TAF1: variants seen among roughly 807,000 people sequenced by gnomAD.
TAF1 encodes TATA-box binding protein associated factor 1.
Under a neutral mutation model 138.5 loss-of-function variants are expected in TAF1, and 2 were observed. That is an observed-to-expected ratio of 0.01 (90% CI 0.01 to 0.05). The LOEUF (loss-of-function observed/expected upper bound fraction) is 0.05. Among genes scored for constraint, TAF1 ranks in the 10% least tolerant of loss-of-function variants. TAF1 has a pLI of 1.00. For missense variants in TAF1, 709 were observed against 1,478.0 expected (o/e 0.48, Z 8.53); for synonymous variants, 437 against 503.2 (o/e 0.87, Z 1.76).
At chrX:71,524,203 AT>A (rs34207623) in intron 13 of TAF1, among the ~76,000 whole-genome samples, 7 of 105,840 alleles carry the variant, frequency 6.6e-5, no homozygotes, top group Non-Finnish European at 9.7e-5. Context: ...TGTATTTTTA[AT>A]TTTTTTTTGT....
chrX:71,423,943 C>T (rs760789130), intron 30 of TAF1, 31 bp from the exon 31 acceptor site: 16 of 1,104,979 alleles, frequency 1.4e-5, no homozygotes, highest in Non-Finnish European at 6.2e-6. Flanking sequence ...GAGTGGTTTC[C>T]ATTTAATTTC....
rs1458969621 is a variant in TAF1 at position 71,398,724 on chromosome X, G to A, written c.3773G>A (p.Arg1258His). ...AAGAAGCCCAAGAAAATGAAGGAGC[G>A]TCCTGACCTAAAAGTAAGTATAATG... ...PEKKPKKMKE[R>H]PDLKLKCGAC... Residue 1258 changes from arginine (R) to histidine (H), a missense_variant, in exon 24 of 38, where the codon CGT becomes CAT. Around this residue, in one of 14 missense-constraint regions of TAF1, gnomAD observed 21 missense variants for 101.3 expected, o/e 0.21. Transcript: ENST00000423759. 1 of 1,200,717 alleles carries A rather than the reference G, an allele frequency of 8.3e-7. No individual in the cohort carries two copies. The highest frequency in any genetic ancestry group is 1.1e-6 in the Non-Finnish European group (1 of 892,397).
intron 13 of TAF1, among the ~76,000 whole-genome samples, chrX:71,526,688 G>C (rs990770755): frequency 9.0e-6 from 1 of 111,100 alleles, no homozygotes; most frequent in Non-Finnish European, 1.9e-5. Context: ...TAATGTACAA[G>C]GTATATGTAA....
intron 13 of TAF1, among the ~76,000 whole-genome samples, chrX:71,524,835 G>C (rs1482699913): frequency 9.4e-6 from 1 of 106,336 alleles, no homozygotes; most frequent in East Asian, 3.1e-4. Context: ...CAACTACTCC[G>C]GAGGCTGAGG....
At chrX:71,417,224 G>GT (rs1265337898) in intron 28 of TAF1, among the ~76,000 whole-genome samples, 1 of 109,661 alleles carries the variant, frequency 9.1e-6, no homozygotes, top group Non-Finnish European at 1.9e-5. Context: ...ACCTGAGCAA[G>GT]CATGCTCAGC....
At chrX:71,475,138 T>G (rs979336946) in intron 13 of TAF1, among the ~76,000 whole-genome samples, 11 of 111,318 alleles carry the variant, frequency 9.9e-5, no homozygotes, top group African/African-American at 3.6e-4. Flanking sequence ...AGTGGAGATG[T>G]TCAGTAAGTA....
chrX:71,459,195 G>C (rs1380034328), intron 35 of TAF1: 1 of 1,094,428 alleles, frequency 9.1e-7, no homozygotes, highest in African/African-American at 1.9e-5. Context: ...CTCTGATGTA[G>C]ATATTGAAGG....
intron 3 of TAF1, among the ~76,000 whole-genome samples, chrX:71,369,197 A>G (rs1015525765): frequency 9.0e-6 from 1 of 110,890 alleles, no homozygotes. Flanking sequence ...GGGTTTCACC[A>G]TGTTGGCCAG....
intron 13 of TAF1, among the ~76,000 whole-genome samples, chrX:71,471,161 C>G (rs2147485728): frequency 9.4e-6 from 1 of 106,867 alleles, no homozygotes; most frequent in African/African-American, 3.4e-5. Flanking sequence ...ACTAAAAATA[C>G]AAAAAAATTA....
intron 25 of TAF1, among the ~76,000 whole-genome samples, chrX:71,405,677 T>A (rs1569310593): frequency 8.9e-6 from 1 of 112,053 alleles, no homozygotes; most frequent in African/African-American, 3.2e-5. Context: ...TAATTACTAA[T>A]ATCCGTAATA....
chrX:71,398,874 C>T, intron 24 of TAF1, 137 bp downstream of exon 24: 1 of 903,527 alleles, frequency 1.1e-6, no homozygotes, highest in South Asian at 3.0e-5. Context: ...GATGTGACTA[C>T]TTGGGGGTGT....
At chrX:71,427,990 T>C (rs1403805740) in intron 32 of TAF1, among the ~76,000 whole-genome samples, 1 of 104,539 alleles carries the variant, frequency 9.6e-6, no homozygotes, top group East Asian at 3.0e-4. Flanking sequence ...CTTTTTTTTT[T>C]AAACCTATTA....
exon 15 of TAF1, chrX:71,529,738 C>T (rs765223020): frequency 5.5e-5 from 18 of 329,934 alleles, no homozygotes; most frequent in Non-Finnish European, 3.5e-5. Context: ...AGTGAAAATC[C>T]GTGCCAGACT....
At chrX:71,456,743 T>C (rs888845194) in intron 34 of TAF1, among the ~76,000 whole-genome samples, 1 of 90,607 alleles carries the variant, frequency 1.1e-5, no homozygotes, top group Non-Finnish European at 2.1e-5. Context: ...TGGCGCAATC[T>C]CGGCTCACTG....
chrX:71,423,318 T>A, intron 30 of TAF1, 79 bp downstream of exon 30: 1 of 1,177,636 alleles, frequency 8.5e-7, no homozygotes, highest in South Asian at 1.9e-5. Context: ...CGTGTGTGTA[T>A]TTTGGAGAGT....
At chrX:71,491,197 CAGA>C (rs1211621985) in intron 13 of TAF1, 1 of 110,360 alleles carries the variant, frequency 9.1e-6, no homozygotes, top group African/African-American at 3.3e-5. Flanking sequence ...CAGAATGCGA[CAGA>C]AGAAGCCTGG....
chrX:71,470,694 A>T (rs912329614), downstream of TAF1, among the ~76,000 whole-genome samples: 7 of 107,968 alleles, frequency 6.5e-5, no homozygotes, highest in South Asian at 2.1e-3. Flanking sequence ...TTCATATTTT[A>T]AAAAAAGAAT....
At chrX:71,525,790 C>A (rs1388457522) in intron 13 of TAF1, among the ~76,000 whole-genome samples, 4 of 108,827 alleles carry the variant, frequency 3.7e-5, no homozygotes, top group African/African-American at 1.3e-4. Context: ...AGTAGCTGGG[C>A]CCACAGGCAA....
In TAF1 at chrX:71,508,623, GA is replaced by G. The variant is rs1253004367; in HGVS notation, c.1367-19907del. Among the ~76,000 whole-genome samples, 563 of 75,234 alleles carry G rather than the reference GA, an allele frequency of 7.5e-3. 3 individuals carry two copies. Among genetic ancestry groups the G allele is most frequent in the South Asian group, 0.015 (22 of 1,516 alleles). The allele number at this position is 75,234 out of a possible 115,157, so 65.3% of individuals were successfully genotyped here. On this transcript the variant is annotated intron_variant and NMD_transcript_variant, in intron 13 of 14. Coordinates refer to the TAF1 transcript ENST00000373775. ...CTGTCTCTGAAAAAAAAAAAAAAAA[GA>G]AAAAAAAAAAAGAAAGTAGCCAAGT...
Sources: allele counts gnomAD v4.1 joint callset (sites outside exome capture counted in the v4.1 genomes callset), GRCh38; gene constraint gnomAD v4.1.1; regional missense constraint gnomAD v4.1.1; transcripts MANE v1.5; gene names NCBI Gene and HGNC (gene_info 2026-07-23, HGNC 2026-07-21).